ZC3H11A: variants seen among roughly 807,000 people sequenced by gnomAD.
ZC3H11A encodes zinc finger CCCH-type containing 11A, also known as zinc finger CCCH domain-containing protein 11A.
A neutral mutation model predicts 90.8 loss-of-function variants in ZC3H11A; 22 were observed. The ratio of observed to expected loss-of-function variants is 0.24; its 90% CI spans 0.17 to 0.35. ZC3H11A has a LOEUF of 0.35. Among genes scored for constraint, ZC3H11A ranks in the 10% least tolerant of loss-of-function variants. The pLI is 1.00. For synonymous variants in ZC3H11A, 294 were observed against 339.8 expected (o/e 0.87, Z 1.48); for missense variants, 701 against 964.9 (o/e 0.73, Z 3.62).
At chr1:203,817,206 G>C in intron 3 of ZC3H11A, 82 bp downstream of exon 3, 1 of 1,196,718 alleles carries the variant, frequency 8.4e-7, no homozygotes, top group Non-Finnish European at 1.2e-6. Flanking sequence ...ATTTTAAGTT[G>C]TTTTTATTAT....
chr1:203,850,761 A>C, intron 16 of ZC3H11A, 80 bp downstream of exon 16: 1 of 1,527,002 alleles, frequency 6.5e-7, no homozygotes, highest in Middle Eastern at 1.7e-4. Flanking sequence ...CTAGCATTCT[A>C]TCTTGAGTAT....
chr1:203,852,159 C>T lies in ZC3H11A; in HGVS notation c.2193C>T (p.Thr731=), dbSNP rs755143350. The T allele has an allele frequency of 1.9e-6, 3 of 1,613,606 alleles. No homozygotes were observed. The South Asian group carries it at 3.3e-5, about 18-fold the overall frequency. Residue 731 remains threonine (T), a synonymous_variant, in exon 18 of 18, where the codon ACC becomes ACT. Transcript: ENST00000367210. ...NPRDSLVLPP[T]QSSSDSSPPE... is the part of the protein sequence containing the mutation. ...CTTACAGTCTTGTGCTGCCTCCAAC[C>T]CAGTCCTCTTCAGATTCCTCACCCC...
chr1:203,807,735 G>A (rs958411242), intron 2 of ZC3H11A, among the ~76,000 whole-genome samples: 3 of 151,866 alleles, frequency 2.0e-5, no homozygotes, highest in South Asian at 2.1e-4. Context: ...TCACTATGTT[G>A]CCCAGGCTTA....
rs1558122198 is a variant in ZC3H11A, at chr1:203,828,415, G to A, written c.291G>A (p.Pro97=). The A allele has an allele frequency of 4.3e-6, 7 of 1,610,644 alleles. No individual in the cohort carries two copies. Among genetic ancestry groups the A allele is most frequent in the Admixed American group, 3.3e-5 (2 of 59,722 alleles). The change falls in exon 5 of 18, where the codon CCG becomes CCA. Residue 97 remains proline, a synonymous_variant. Coordinates refer to ENST00000367210, the MANE Select transcript of ZC3H11A (RefSeq NM_001376342.1). The part of the protein sequence containing the change: ...GRYVDGLFLP[P]SKTVLPTVPE... ...ATGTTGATGGCCTTTTCCTACCTCC[G>A]AGCAAAAGTGAGATCAGTTTTTAAT...
chr1:203,797,468 T>C (rs1668929736), intron 1 of ZC3H11A: 1 of 1,423,630 alleles, frequency 7.0e-7, no homozygotes, highest in Non-Finnish European at 9.2e-7. Flanking sequence ...GTATTTCTGC[T>C]TGAGTAATAA....
At chr1:203,830,851 T>A (rs2103027106) in intron 8 of ZC3H11A, among the ~76,000 whole-genome samples, 1 of 151,068 alleles carries the variant, frequency 6.6e-6, no homozygotes, top group East Asian at 1.9e-4. Context: ...AGTAGAAGAG[T>A]TCTTCCTCAA....
rs1328539339 is a variant in ZC3H11A at position 203,853,171 on chromosome 1, T to A, written c.*772T>A. On this transcript the variant is annotated 3_prime_UTR_variant, in exon 18 of 18. Transcript: ENST00000367210. Reference sequence around the variant, plus strand: ...AGGAATTCTTTTTTAGTATGAAAATTGTCCTTTTTCTTCTTCAGTACTTGC... The same window carrying A: ...AGGAATTCTTTTTTAGTATGAAAATAGTCCTTTTTCTTCTTCAGTACTTGC... 6.6e-6 allele frequency: 1 copy of A among 151,918 alleles called. No individual in the cohort carries two copies. The highest frequency in any genetic ancestry group is 1.5e-5 in the Non-Finnish European group (1 of 67,878). The allele number at this position is 151,918 out of a possible 1,614,324, so 9.4% of individuals were successfully genotyped here. A position where few individuals can be genotyped will look rare whatever the true frequency, so the allele number is the denominator to read the frequency against.
rs1279255236 is a variant in ZC3H11A at position 203,828,305 on chromosome 1, C to T, written c.181C>T (p.Arg61Cys). The change falls in exon 5 of 18, where the codon CGC becomes TGC. Residue 61 changes from arginine to cysteine, a missense_variant. Coordinates refer to ENST00000367210, the MANE Select transcript of ZC3H11A (RefSeq NM_001376342.1). ...RFRHMEIDKK[R>C]SEIPCYWENQ... ...GTGTTTTTCCCTCTTACAGAAAAAA[C>T]GCAGTGAAATTCCTTGTTATTGGGA... 1.2e-6 allele frequency: 2 copies of T among 1,613,810 alleles called. No homozygotes were observed. Among genetic ancestry groups the T allele is most frequent in the Non-Finnish European group, 1.7e-6 (2 of 1,179,942 alleles).
intron 4 of ZC3H11A, among the ~76,000 whole-genome samples, chr1:203,825,766 G>A (rs928867636): frequency 3.9e-5 from 6 of 152,028 alleles, no homozygotes; most frequent in African/African-American, 1.4e-4. Flanking sequence ...GAATTACATG[G>A]AATACCTTTC....
chr1:203,805,880 G>A, intron 2 of ZC3H11A: 5 of 781,970 alleles, frequency 6.4e-6, no homozygotes, highest in Admixed American at 3.6e-5. Flanking sequence ...AGCTGGTCTT[G>A]TAAATTCTCA....
rs568149641 is a variant in ZC3H11A at position 203,811,134 on chromosome 1, ACT to A, written c.-145-5789_-145-5788del. ...CCAGCAGCCTGGGTAGAAGAGTGAA[ACT>A]CTGTCACAAAAAAAAAAAAAAAAAA... On this transcript the variant is annotated intron_variant, in intron 2 of 17. Transcript: ENST00000367210. Among the ~76,000 whole-genome samples, 360 of 142,098 alleles carry A rather than the reference ACT, an allele frequency of 2.5e-3. 1 individual carries two copies. Among genetic ancestry groups the A allele is most frequent in the Admixed American group, 4.9e-3 (68 of 13,980 alleles). The allele number at this position is 142,098 out of a possible 152,430, so 93.2% of individuals were successfully genotyped here. A position where few individuals can be genotyped will look rare whatever the true frequency, so the allele number is the denominator to read the frequency against.
chr1:203,845,223 C>T (rs1687565134), intron 12 of ZC3H11A, among the ~76,000 whole-genome samples: 1 of 152,072 alleles, frequency 6.6e-6, no homozygotes, highest in Non-Finnish European at 1.5e-5. Flanking sequence ...TTTCTCATTG[C>T]TGGTGTGGAT....
intron 8 of ZC3H11A, among the ~76,000 whole-genome samples, chr1:203,830,810 A>C (rs2103026450): frequency 6.6e-6 from 1 of 152,202 alleles, no homozygotes; most frequent in African/African-American, 2.4e-5. Flanking sequence ...TCTGTCTCAA[A>C]AAAGAAAAAA....
chr1:203,848,384 A>T lies in ZC3H11A; in HGVS notation c.1600A>T (p.Ser534Cys), dbSNP rs1453716304. 1 of 1,613,394 alleles carries T rather than the reference A, an allele frequency of 6.2e-7. No individual in the cohort carries two copies. The highest frequency in any genetic ancestry group is 8.5e-7 in the Non-Finnish European group (1 of 1,179,702). ...QEGNEVDSQS[S>C]IRTEAKEASG... ...AGGAAATGAAGTTGATTCTCAGAGC[A>T]GTATTAGAACAGAAGCTAAAGAGGT... The change falls in exon 14 of 18, where the codon AGT (serine) becomes TGT (cysteine). Residue 534 changes from serine (S) to cysteine (C), a missense_variant. Coordinates refer to ENST00000367210, the MANE Select transcript of ZC3H11A (RefSeq NM_001376342.1).
rs201342713 is a variant in ZC3H11A at position 203,819,091 on chromosome 1, C to T, written c.174+402C>T. Among the ~76,000 whole-genome samples, 300 of 50,338 alleles carry T rather than the reference C, an allele frequency of 6.0e-3. 1 individual carries two copies. The highest frequency in any genetic ancestry group is 0.026 in the East Asian group (34 of 1,288). 33.0% of individuals were successfully genotyped at this position (50,338 alleles called of 152,430 possible). ...TCAAAAAAAAAAATATATATATATACACACACACACACACACACACACACA... is the reference window on the plus strand; with the variant it reads ...TCAAAAAAAAAAATATATATATATATACACACACACACACACACACACACA... On this transcript the variant is annotated intron_variant, in intron 4 of 17. Coordinates refer to ENST00000367210, the MANE Select transcript of ZC3H11A (RefSeq NM_001376342.1).
chr1:203,831,617 A>G, intron 8 of ZC3H11A, 44 bp from the exon 9 acceptor site: 1 of 1,551,896 alleles, frequency 6.4e-7, no homozygotes, highest in East Asian at 2.3e-5. Context: ...GGATAGCATT[A>G]TTTTCCATAA....
intron 4 of ZC3H11A, among the ~76,000 whole-genome samples, chr1:203,821,261 A>C (rs924393725): frequency 5.9e-5 from 9 of 152,056 alleles, no homozygotes; most frequent in African/African-American, 2.2e-4. Context: ...TGCCATAATT[A>C]TAAGTTTCCT....
chr1:203,829,987 C>G, intron 7 of ZC3H11A, 91 bp downstream of exon 7: 1 of 1,382,738 alleles, frequency 7.2e-7, no homozygotes, highest in South Asian at 1.2e-5. Flanking sequence ...TCTTCTTTTT[C>G]CCATGCTACA....
intron 2 of ZC3H11A, among the ~76,000 whole-genome samples, chr1:203,807,753 A>G (rs1672869777): frequency 6.6e-6 from 1 of 151,128 alleles, no homozygotes; most frequent in African/African-American, 2.4e-5. Context: ...TTATTTATTT[A>G]TTTTTTGAGA....
Sources: gnomAD v4.1 joint callset for allele counts (sites outside exome capture counted in the v4.1 genomes callset) on GRCh38, gnomAD v4.1.1 for gene constraint, MANE v1.5 for transcripts, NCBI Gene and HGNC (gene_info 2026-07-23, HGNC 2026-07-21) for gene names.